Variants in CILK1 observed in about 807,000 individuals in gnomAD.
The protein encoded by CILK1 is serine/threonine-protein kinase ICK.
A neutral mutation model predicts 79.2 loss-of-function variants in CILK1; 47 were observed. The ratio of observed to expected loss-of-function variants is 0.59; its 90% CI spans 0.47 to 0.76. CILK1 has a LOEUF of 0.76. Ranked by LOEUF, CILK1 falls within the 30% of genes least tolerant of loss-of-function variation. CILK1 has a pLI of 0.00. For missense variants in CILK1, 660 were observed against 769.5 expected (o/e 0.86, Z 1.68); for synonymous variants, 266 against 275.9 (o/e 0.96, Z 0.36).
chr6:53,005,041 G>T lies in CILK1; in HGVS notation c.*108C>A. The T allele has an allele frequency of 8.0e-7, 1 of 1,244,798 alleles. No homozygotes were observed. The highest frequency in any genetic ancestry group is 1.2e-6 in the Non-Finnish European group (1 of 853,356). 77.1% of individuals were successfully genotyped at this position (1,244,798 alleles called of 1,614,324 possible). ...TAGTTCAGAAGAATAACTATAAAGT[G>T]TTGATTTGCTTTTATGCCCTCTGCA... is the stretch of plus-strand genomic sequence containing the variant. On this transcript the variant is annotated 3_prime_UTR_variant, in exon 14 of 14. Coordinates refer to ENST00000676107, the MANE Select transcript of CILK1 (RefSeq NM_014920.5).
chr6:53,047,492 T>A (rs1581757416), intron 1 of CILK1, among the ~76,000 whole-genome samples: 1 of 129,488 alleles, frequency 7.7e-6, no homozygotes. Context: ...TTTTAAGAGA[T>A]GAGGTCTCTT....
At chr6:53,011,964 A>G in intron 10 of CILK1, 47 bp from the exon 11 acceptor site, 1 of 1,613,938 alleles carries the variant, frequency 6.2e-7, no homozygotes. Flanking sequence ...GACAGTATGT[A>G]TTCTCGGATA....
chr6:53,019,580 A>G (rs1283534402), intron 5 of CILK1, among the ~76,000 whole-genome samples: 1 of 152,204 alleles, frequency 6.6e-6, no homozygotes, highest in Non-Finnish European at 1.5e-5. Context: ...GGTGTTCTTC[A>G]TAATTTTTTT....
chr6:53,053,533 G>A (rs1305543272), intron 1 of CILK1, among the ~76,000 whole-genome samples: 1 of 152,110 alleles, frequency 6.6e-6, no homozygotes, highest in African/African-American at 2.4e-5. Context: ...TACAGAGAAG[G>A]AAACTGAGAC....
In CILK1 at chr6:53,036,363, G is replaced by A. The variant is rs191858281; in HGVS notation, c.156+1576C>T. ...CAGAGGTTGGCAAACTATGTCCCAT[G>A]GGTGAAATCCAGCCCACCACATGTT... On this transcript the variant is annotated intron_variant, in intron 3 of 13. Coordinates refer to ENST00000676107, the MANE Select transcript of CILK1 (RefSeq NM_014920.5). Among the ~76,000 whole-genome samples, 300 of 152,136 alleles carry A rather than the reference G, an allele frequency of 2.0e-3. 6 individuals carry two copies. The highest frequency in any genetic ancestry group is 0.016 in the Admixed American group (242 of 15,278).
chr6:53,019,842 T>G (rs991770269), intron 5 of CILK1, among the ~76,000 whole-genome samples: 3 of 151,522 alleles, frequency 2.0e-5, no homozygotes, highest in Non-Finnish European at 2.9e-5. Context: ...GTTTTTTTTT[T>G]TTTTGTTTTT....
chr6:53,005,678 C>A (rs1418709297), intron 13 of CILK1, among the ~76,000 whole-genome samples: 2 of 152,182 alleles, frequency 1.3e-5, no homozygotes, highest in East Asian at 3.8e-4. Context: ...GGATTCCCTG[C>A]TTCCTACCTT....
chr6:53,060,170 G>C (rs1489781691), intron 1 of CILK1, among the ~76,000 whole-genome samples: 1 of 152,188 alleles, frequency 6.6e-6, no homozygotes, highest in Non-Finnish European at 1.5e-5. Context: ...TGATGATGTT[G>C]AACAGTCAAT....
chr6:53,008,427 CT>C (rs1318627320), intron 12 of CILK1, among the ~76,000 whole-genome samples: 1,670 of 140,510 alleles, frequency 0.012, 22 homozygotes, highest in African/African-American at 0.031. Context: ...CCAAGTTCAA[CT>C]TTTTTTTTTT....
At chr6:53,044,770 C>T (rs1041006248) in intron 1 of CILK1, among the ~76,000 whole-genome samples, 3 of 152,122 alleles carry the variant, frequency 2.0e-5, no homozygotes, top group African/African-American at 4.8e-5. Flanking sequence ...TACAATAGGG[C>T]TAGTGTCTTT....
intron 1 of CILK1, among the ~76,000 whole-genome samples, chr6:53,052,574 T>C (rs1186008301): frequency 6.6e-6 from 1 of 151,850 alleles, no homozygotes; most frequent in Non-Finnish European, 1.5e-5. Flanking sequence ...CTACTAAAAA[T>C]ACAAAAATTA....
chr6:53,036,012 G>A (rs983612830), intron 3 of CILK1, among the ~76,000 whole-genome samples: 1 of 152,198 alleles, frequency 6.6e-6, no homozygotes, highest in Non-Finnish European at 1.5e-5. Context: ...CATCTGTGCA[G>A]GCAAGGAAAG....
At position 53,005,005 on chromosome 6, in the gene CILK1, T is replaced by C. The variant is rs1366922566; in HGVS notation, c.*144A>G. ...TAAAAAAAAACTTTAAAAAAGAATA[T>C]TGACATGTCTTAGTTCAGAAGAATA... On this transcript the variant is annotated 3_prime_UTR_variant, in exon 14 of 14. Transcript: ENST00000676107. The C allele has an allele frequency of 1.1e-5, 10 of 891,326 alleles. No individual in the cohort carries two copies. Among genetic ancestry groups the C allele is most frequent in the Middle Eastern group, 3.5e-4 (1 of 2,848 alleles). 55.2% of individuals were successfully genotyped at this position (891,326 alleles called of 1,614,324 possible).
intron 5 of CILK1, among the ~76,000 whole-genome samples, chr6:53,027,040 G>A (rs532428583): frequency 7.2e-5 from 11 of 152,262 alleles, no homozygotes; most frequent in African/African-American, 2.4e-4. Context: ...AATAACCAGA[G>A]AATCTTCAAA....
chr6:53,055,023 A>C (rs1264704294), intron 1 of CILK1, among the ~76,000 whole-genome samples: 1 of 152,246 alleles, frequency 6.6e-6, no homozygotes, highest in Admixed American at 6.5e-5. Context: ...GGAGACAAAA[A>C]GTTACAGCAA....
intron 3 of CILK1, among the ~76,000 whole-genome samples, chr6:53,037,240 T>G (rs1766402099): frequency 6.6e-6 from 1 of 151,856 alleles, no homozygotes; most frequent in Non-Finnish European, 1.5e-5. Context: ...AGAGAAAAAT[T>G]GGAACAAAAT....
At position 53,013,785 on chromosome 6, in the gene CILK1, G is replaced by A; in HGVS notation, c.1029C>T (p.Pro343=). The part of the protein sequence containing the change: ...ISSRQHQASQ[P]PLHLTYPYKA... Reference sequence around the variant, plus strand: ...TGTAGGGGTACGTGAGATGCAGAGGGGGCTGGCTGGCTTGATGCTGTCGTG... The same window carrying A: ...TGTAGGGGTACGTGAGATGCAGAGGAGGCTGGCTGGCTTGATGCTGTCGTG... The change falls in exon 9 of 14, where the codon CCC becomes CCT. Residue 343 remains proline (P), a synonymous_variant. Coordinates refer to ENST00000676107, the MANE Select transcript of CILK1 (RefSeq NM_014920.5). The A allele has an allele frequency of 6.2e-7, 1 of 1,614,120 alleles. No homozygotes were observed. Among genetic ancestry groups the A allele is most frequent in the Non-Finnish European group, 8.5e-7 (1 of 1,180,024 alleles).
intron 1 of CILK1, among the ~76,000 whole-genome samples, chr6:53,050,314 C>A (rs1767390597): frequency 6.6e-6 from 1 of 151,736 alleles, no homozygotes; most frequent in Non-Finnish European, 1.5e-5. Flanking sequence ...TCCATTGAGA[C>A]CTCACTCCAC....
At chr6:53,012,961 A>G (rs577911427) in intron 9 of CILK1, among the ~76,000 whole-genome samples, 3 of 152,256 alleles carry the variant, frequency 2.0e-5, no homozygotes, top group Non-Finnish European at 4.4e-5. Context: ...GCAGCCAAAG[A>G]GGAGCAGAAA....
Sources: allele counts gnomAD v4.1 joint callset (sites outside exome capture counted in the v4.1 genomes callset), GRCh38; gene constraint gnomAD v4.1.1; transcripts MANE v1.5; gene names NCBI Gene and HGNC (gene_info 2026-07-23, HGNC 2026-07-21).